Variants in CAMKMT observed in about 807,000 individuals in gnomAD.
CAMKMT encodes the protein calmodulin-lysine N-methyltransferase.
In CAMKMT, 53 loss-of-function variants were observed where a neutral mutation model predicts 48.0. The observed-to-expected ratio is 1.10, with a 90% CI of 0.89 to 1.39. The LOEUF is 1.39. Among genes scored for constraint, CAMKMT ranks in the 40% most tolerant of loss-of-function variants. CAMKMT has a pLI of 0.00. For synonymous variants in CAMKMT, 165 were observed against 152.3 expected (o/e 1.08, Z -0.61); for missense variants, 428 against 402.7 (o/e 1.06, Z -0.54).
intron 2 of CAMKMT, among the ~76,000 whole-genome samples, chr2:44,373,221 C>T (rs968879625): frequency 2.0e-5 from 3 of 152,110 alleles, no homozygotes; most frequent in Non-Finnish European, 4.4e-5. Flanking sequence ...AAAGTGAAAA[C>T]AGAATTTTTC....
At chr2:44,363,030 G>T (rs912640444) in intron 1 of CAMKMT, among the ~76,000 whole-genome samples, 2 of 152,128 alleles carry the variant, frequency 1.3e-5, no homozygotes, top group African/African-American at 4.8e-5. Context: ...CCCAGCTATT[G>T]CCACTTTACT....
intron 3 of CAMKMT, among the ~76,000 whole-genome samples, chr2:44,640,750 C>G (rs960770532): frequency 6.6e-6 from 1 of 152,060 alleles, no homozygotes; most frequent in Non-Finnish European, 1.5e-5. Context: ...ACAAAATCAC[C>G]AAAAAGTACT....
intron 3 of CAMKMT, among the ~76,000 whole-genome samples, chr2:44,576,225 G>A (rs937484903): frequency 1.3e-5 from 2 of 151,938 alleles, no homozygotes; most frequent in African/African-American, 4.8e-5. Flanking sequence ...CTACTCAGGA[G>A]GCTGAGGCAG....
At chr2:44,436,398 G>A (rs1237338078) in intron 3 of CAMKMT, among the ~76,000 whole-genome samples, 5 of 152,026 alleles carry the variant, frequency 3.3e-5, no homozygotes, top group Non-Finnish European at 7.4e-5. Context: ...TCACTTCAGA[G>A]CCTCTGCCTC....
chr2:44,577,732 C>A (rs1669309457), intron 3 of CAMKMT, among the ~76,000 whole-genome samples: 1 of 151,528 alleles, frequency 6.6e-6, no homozygotes, highest in Admixed American at 6.6e-5. Context: ...GGAGAATATT[C>A]CTTTGGACGA....
chr2:44,714,445 G>GT (rs1678059734), intron 6 of CAMKMT, among the ~76,000 whole-genome samples: 1 of 152,154 alleles, frequency 6.6e-6, no homozygotes. Flanking sequence ...AGGCCATAGC[G>GT]TAAGTCTGTA....
At chr2:44,568,279 T>G (rs1668719946) in intron 3 of CAMKMT, among the ~76,000 whole-genome samples, 1 of 152,192 alleles carries the variant, frequency 6.6e-6, no homozygotes, top group Non-Finnish European at 1.5e-5. Context: ...TGCATTTGCT[T>G]GGAAACTGTT....
At chr2:44,659,270 A>T (rs1006330480) in intron 3 of CAMKMT, among the ~76,000 whole-genome samples, 2 of 152,018 alleles carry the variant, frequency 1.3e-5, no homozygotes, top group East Asian at 1.9e-4. Flanking sequence ...AATAAAAAAT[A>T]AAAAAATTAG....
intron 3 of CAMKMT, among the ~76,000 whole-genome samples, chr2:44,482,111 G>C (rs1283045172): frequency 1.3e-5 from 2 of 152,044 alleles, no homozygotes. Context: ...TTAGGGCTTA[G>C]AGAATTGCAT....
chr2:44,525,347 C>T (rs1257993519), intron 3 of CAMKMT, among the ~76,000 whole-genome samples: 3 of 151,978 alleles, frequency 2.0e-5, no homozygotes, highest in Non-Finnish European at 4.4e-5. Context: ...CCTCTGCCTC[C>T]CGGATTCAAG....
At chr2:44,532,520 A>G (rs729310) in intron 3 of CAMKMT, among the ~76,000 whole-genome samples, 72,684 of 152,032 alleles carry the variant, frequency 0.48, 19,060 homozygotes, top group Non-Finnish European at 0.59. Flanking sequence ...TTGGTGTATT[A>G]GATGAGTATG....
chr2:44,651,495 C>G (rs905998106), intron 3 of CAMKMT, among the ~76,000 whole-genome samples: 1 of 152,106 alleles, frequency 6.6e-6, no homozygotes, highest in African/African-American at 2.4e-5. Context: ...ACCAGCCTGG[C>G]CAACGTGGTG....
chr2:44,382,887 T>A (rs76093802), intron 2 of CAMKMT, among the ~76,000 whole-genome samples: 1 of 152,330 alleles, frequency 6.6e-6, no homozygotes, highest in African/African-American at 2.4e-5. Context: ...ACACGTATTC[T>A]CTTACTATGT....
At chr2:44,425,908 T>G (rs1302422140) in intron 3 of CAMKMT, among the ~76,000 whole-genome samples, 1 of 152,182 alleles carries the variant, frequency 6.6e-6, no homozygotes, top group Non-Finnish European at 1.5e-5. Flanking sequence ...TTTTTGTATT[T>G]TTAGTAGAGA....
At chr2:44,510,856 T>C (rs1670508767) in intron 3 of CAMKMT, among the ~76,000 whole-genome samples, 1 of 152,108 alleles carries the variant, frequency 6.6e-6, no homozygotes, top group African/African-American at 2.4e-5. Context: ...ACTTTTTTTT[T>C]TTGAGGTGGA....
chr2:44,593,676 T>C (rs1670457932), intron 3 of CAMKMT, among the ~76,000 whole-genome samples: 1 of 152,122 alleles, frequency 6.6e-6, no homozygotes, highest in African/African-American at 2.4e-5. Flanking sequence ...GTAGTTGTTT[T>C]AGGTGAGGGA....
chr2:44,519,637 G>A (rs978189205), intron 3 of CAMKMT, among the ~76,000 whole-genome samples: 20 of 152,152 alleles, frequency 1.3e-4, no homozygotes, highest in African/African-American at 4.1e-4. Flanking sequence ...AATTAGCATG[G>A]TATGTTTAAA....
rs565776027 is a variant in CAMKMT at position 44,442,554 on chromosome 2, G to A, written c.376+52249G>A. ...CATATTGTATTCCTCACATTCTCAG[G>A]TCAAACCTTTTGATGACTCCTTGCA... On this transcript the variant is annotated intron_variant, in intron 3 of 10. Coordinates refer to ENST00000378494, the MANE Select transcript of CAMKMT (RefSeq NM_024766.5). Among the ~76,000 whole-genome samples the A allele has an allele frequency of 1.2e-4, 19 of 152,204 alleles. No individual in the cohort carries two copies. In the East Asian group the frequency reaches 3.5e-3, roughly 28 times the overall value.
chr2:44,631,663 GT>G lies in CAMKMT; in HGVS notation c.377-72615del, dbSNP rs377269249. ...CTTGGATTTTGAGCCCATCTGACAAGTTTTTCTTTTTAATTGTACTGTTTAA... is the reference window on the plus strand; with the variant it reads ...CTTGGATTTTGAGCCCATCTGACAAGTTTTCTTTTTAATTGTACTGTTTAA... On this transcript the variant is annotated intron_variant, in intron 3 of 10. Coordinates refer to ENST00000378494, the MANE Select transcript of CAMKMT (RefSeq NM_024766.5). The G allele has an allele frequency of 8.1e-3, 3,364 of 413,824 alleles. 33 individuals are homozygous for G. Among genetic ancestry groups the G allele is most frequent in the Middle Eastern group, 0.022 (70 of 3,230 alleles). The allele number at this position is 413,824 out of a possible 1,614,324, so 25.6% of individuals were successfully genotyped here.
Sources: gnomAD v4.1 joint callset for allele counts (sites outside exome capture counted in the v4.1 genomes callset) on GRCh38, gnomAD v4.1.1 for gene constraint, MANE v1.5 for transcripts, NCBI Gene and HGNC (gene_info 2026-07-23, HGNC 2026-07-21) for gene names.